The following ZNF862 variants were observed in gnomAD, a reference collection of about 807,000 sequenced individuals.
ZNF862 encodes zinc finger protein 862.
In ZNF862, 64 loss-of-function variants were observed where a neutral mutation model predicts 91.1. That is an observed-to-expected ratio of 0.70 (90% CI 0.57 to 0.87). The LOEUF is 0.87. ZNF862 is among the 40% of genes least tolerant of loss of function. ZNF862 has a pLI of 0.00. For synonymous variants in ZNF862, 631 were observed against 618.1 expected (o/e 1.02, Z -0.31); for missense variants, 1,459 against 1,528.0 (o/e 0.95, Z 0.75).
At position 149,861,769 on chromosome 7, in the gene ZNF862, C is replaced by T. The variant is rs1802513254; in HGVS notation, c.2609C>T (p.Ala870Val). Residue 870 changes from alanine (A) to valine (V), a missense_variant, in exon 7 of 8, where the codon GCC becomes GTC. Transcript: ENST00000223210. The surrounding 1 kb of genome is among the most constrained non-coding windows in gnomAD (Gnocchi z 6.7). Reference sequence around the variant, plus strand: ...ATCGTGCTGATTACAGAGGTGAACGCCACGCTGGGCCGCGCCTACGTGGCA... The same window carrying T: ...ATCGTGCTGATTACAGAGGTGAACGTCACGCTGGGCCGCGCCTACGTGGCA... ...KEIVLITEVN[A>V]TLGRAYVALE... 1 of 1,613,630 alleles carries T rather than the reference C, an allele frequency of 6.2e-7. No individual in the cohort carries two copies. Among genetic ancestry groups the T allele is most frequent in the African/African-American group, 1.3e-5 (1 of 75,058 alleles).
chr7:149,859,074 T>A (rs973237341), intron 5 of ZNF862: 2 of 334,148 alleles, frequency 6.0e-6, no homozygotes, highest in African/African-American at 4.5e-5. Flanking sequence ...GGCACACGCG[T>A]GGGCCAGCTG....
At chr7:149,853,937 CAAAAAA>C (rs931414504) in intron 5 of ZNF862, among the ~76,000 whole-genome samples, 1 of 108,232 alleles carries the variant, frequency 9.2e-6, no homozygotes, top group Non-Finnish European at 1.9e-5. Context: ...GACTCCATCT[CAAAAAA>C]AAAAAAAAAA....
At chr7:149,841,465 A>C in intron 1 of ZNF862, 3 of 977,458 alleles carry the variant, frequency 3.1e-6, no homozygotes, top group Non-Finnish European at 3.6e-6. Flanking sequence ...TAAAATTCTC[A>C]TGTTCATTTA....
rs1192531952 is a variant in ZNF862 at position 149,861,400 on chromosome 7, A to G, written c.2240A>G (p.Asp747Gly). 1.9e-6 allele frequency: 3 copies of G among 1,613,160 alleles called. No homozygotes were observed. The highest frequency in any genetic ancestry group is 2.5e-6 in the Non-Finnish European group (3 of 1,179,894). ...CGSIDLVKKC[D>G]RHIRTVFKFY... ...AGCATCGATCTGGTGAAGAAGTGTG[A>G]CCGGCACATCCGCACCGTCTTCAAG... The change falls in exon 7 of 8, where the codon GAC (aspartate) becomes GGC (glycine). Residue 747 changes from aspartate to glycine, a missense_variant. Coordinates refer to ENST00000223210, the MANE Select transcript of ZNF862 (RefSeq NM_001099220.3). The surrounding 1 kb of genome is among the most constrained non-coding windows in gnomAD (Gnocchi z 6.7).
intron 1 of ZNF862, chr7:149,840,754 A>C (rs1801677102): frequency 1.2e-5 from 2 of 162,648 alleles, no homozygotes; most frequent in African/African-American, 4.8e-5. Context: ...ACTGTGTAGG[A>C]TTGTAGCCTA....
chr7:149,849,992 C>G (rs765684910), intron 4 of ZNF862, among the ~76,000 whole-genome samples, 169 bp from the exon 5 acceptor site: 13 of 152,192 alleles, frequency 8.5e-5, no homozygotes, highest in Non-Finnish European at 1.8e-4. Flanking sequence ...TAATTCTGGC[C>G]TCCTGAATTT....
At chr7:149,860,163 C>A in intron 6 of ZNF862, 1 of 559,096 alleles carries the variant, frequency 1.8e-6, no homozygotes, top group Non-Finnish European at 3.1e-6. Flanking sequence ...GGTGAAAGAA[C>A]CCACAAGGAT....
chr7:149,857,308 TCTC>T (rs1802295647), intron 5 of ZNF862, among the ~76,000 whole-genome samples: 1 of 152,124 alleles, frequency 6.6e-6, no homozygotes, highest in South Asian at 2.1e-4. Context: ...TGTGTCTTTT[TCTC>T]CTATTTTCTG....
At chr7:149,854,812 A>T (rs1474437462) in intron 5 of ZNF862, among the ~76,000 whole-genome samples, 1 of 152,226 alleles carries the variant, frequency 6.6e-6, no homozygotes, top group African/African-American at 2.4e-5. Context: ...AGTGTTTGGA[A>T]TCGTCACGTG....
intron 5 of ZNF862, chr7:149,858,902 ACACG>A (rs1802351031): frequency 7.3e-6 from 1 of 137,260 alleles, no homozygotes; most frequent in African/African-American, 2.8e-5. Flanking sequence ...GCAGAGGGGC[ACACG>A]CATGGGCCAG....
rs200642262 is a variant in ZNF862 at position 149,848,165 on chromosome 7, T to C, written c.672T>C (p.Pro224=). The change falls in exon 4 of 8, where the codon CCT becomes CCC. Residue 224 remains proline, a synonymous_variant. Transcript: ENST00000223210. Reference sequence around the variant, plus strand: ...GGTTCCGGAGCATCAGAGACCCACCTGGAGATGTTCTGGCCAGCCCGGAGC... The same window carrying C: ...GGTTCCGGAGCATCAGAGACCCACCCGGAGATGTTCTGGCCAGCCCGGAGC... ...AARFRSIRDP[P]GDVLASPEPL... The C allele has an allele frequency of 6.1e-5, 98 of 1,613,876 alleles. No individual in the cohort carries two copies. The highest frequency in any genetic ancestry group is 3.3e-4 in the Middle Eastern group (2 of 6,084).
intron 1 of ZNF862, chr7:149,841,302 GAC>G (rs1801695709): frequency 1.0e-6 from 1 of 985,270 alleles, no homozygotes. Flanking sequence ...TTTATTAACT[GAC>G]AGCCATCTTG....
At chr7:149,857,822 G>T (rs963753513) in intron 5 of ZNF862, among the ~76,000 whole-genome samples, 1 of 152,180 alleles carries the variant, frequency 6.6e-6, no homozygotes, top group African/African-American at 2.4e-5. Context: ...CCCGTCTCCT[G>T]TTTGGAGGGT....
At chr7:149,860,198 A>C in intron 6 of ZNF862, 185 bp from the exon 7 acceptor site, 1 of 618,128 alleles carries the variant, frequency 1.6e-6, no homozygotes, top group Non-Finnish European at 2.8e-6. Context: ...GGGGAGCCAG[A>C]TGAACTTTCA....
intron 1 of ZNF862, among the ~76,000 whole-genome samples, chr7:149,843,504 GT>G (rs57060501): frequency 5.3e-5 from 8 of 151,870 alleles, no homozygotes; most frequent in African/African-American, 1.9e-4. Flanking sequence ...CTTGATGATA[GT>G]TTTTTTTAAG....
chr7:149,848,168 A>G lies in ZNF862; in HGVS notation c.675A>G (p.Gly225=). 5.0e-6 allele frequency: 8 copies of G among 1,613,982 alleles called. No homozygotes were observed. Among genetic ancestry groups the G allele is most frequent in the Non-Finnish European group, 5.9e-6 (7 of 1,179,878 alleles). Residue 225 remains glycine, a synonymous_variant, in exon 4 of 8, where the codon GGA becomes GGG. Transcript: ENST00000223210. Reference sequence around the variant, plus strand: ...TCCGGAGCATCAGAGACCCACCTGGAGATGTTCTGGCCAGCCCGGAGCCGC... The same window carrying G: ...TCCGGAGCATCAGAGACCCACCTGGGGATGTTCTGGCCAGCCCGGAGCCGC... ...ARFRSIRDPP[G]DVLASPEPLF...
chr7:149,854,294 C>T (rs985950154), intron 5 of ZNF862, among the ~76,000 whole-genome samples: 3 of 151,610 alleles, frequency 2.0e-5, no homozygotes, highest in South Asian at 2.1e-4. Context: ...AAAAGTGTCC[C>T]GATCAAAAAA....
chr7:149,844,741 G>T lies in ZNF862; in HGVS notation c.136+5G>T. On this transcript the variant is annotated splice_donor_5th_base_variant and intron_variant, in intron 2 of 7. Transcript: ENST00000223210. Reference sequence around the variant, plus strand: ...ACAAGCTGGTGGCACCACTGGGTATGGGTGCCCATCCACATCCCTGCCACT... The same window carrying T: ...ACAAGCTGGTGGCACCACTGGGTATTGGTGCCCATCCACATCCCTGCCACT... 1 of 1,550,508 alleles carries T rather than the reference G, an allele frequency of 6.4e-7. No homozygotes were observed. The highest frequency in any genetic ancestry group is 1.2e-5 in the South Asian group (1 of 85,214).
intron 1 of ZNF862, among the ~76,000 whole-genome samples, chr7:149,840,187 T>TTAAAAAAA (rs1801651520): frequency 2.4e-5 from 1 of 41,246 alleles, no homozygotes; most frequent in African/African-American, 7.5e-5. Context: ...GCTTAAAAAG[T>TTAAAAAAA]AAAAAAAAAA....
Sources: gnomAD v4.1 joint callset for allele counts (sites outside exome capture counted in the v4.1 genomes callset) on GRCh38, gnomAD v4.1.1 for gene constraint, Gnocchi (gnomAD v3.1) non-coding constraint, MANE v1.5 for transcripts, NCBI Gene and HGNC (gene_info 2026-07-23, HGNC 2026-07-21) for gene names.